Variants in LSAMP observed in about 807,000 individuals in gnomAD.
LSAMP encodes the protein limbic system-associated membrane protein.
A neutral mutation model predicts 38.6 loss-of-function variants in LSAMP; 7 were observed. The observed-to-expected ratio is 0.18, with a 90% confidence interval of 0.10 to 0.34. The LOEUF is 0.34. Among genes scored for constraint, LSAMP ranks in the 10% least tolerant of loss-of-function variants. The probability of loss-of-function intolerance (pLI) is 1.00; values close to 1 mark genes in which losing one functional copy is unlikely to be tolerated. For missense variants in LSAMP, 313 were observed against 420.0 expected, an observed-to-expected ratio of 0.75 and a Z score of 2.23; for synonymous variants, 154 against 166.8, an observed-to-expected ratio of 0.92 and a Z score of 0.59.
At chr3:116,022,288 A>C (rs1940661597) in intron 2 of LSAMP, among the ~76,000 whole-genome samples, 1 of 151,982 alleles carries the variant, frequency 6.6e-6, no homozygotes, top group Non-Finnish European at 1.5e-5. Context: ...GATCCTGAGA[A>C]CATGTGTCCC....
At chr3:116,219,770 A>G (rs1247222156) in intron 1 of LSAMP, among the ~76,000 whole-genome samples, 1 of 152,280 alleles carries the variant, frequency 6.6e-6, no homozygotes, top group African/African-American at 2.4e-5. Context: ...CAAATAACTC[A>G]AAAAAATAAA....
intron 1 of LSAMP, among the ~76,000 whole-genome samples, chr3:116,404,458 A>G (rs13077535): frequency 0.062 from 9,364 of 152,224 alleles, 393 homozygotes; most frequent in Middle Eastern, 0.13. Flanking sequence ...AGTGCCTTAC[A>G]TAGAATATAT....
At chr3:115,847,771 C>T (rs1302225179) in intron 4 of LSAMP, among the ~76,000 whole-genome samples, 2 of 152,138 alleles carry the variant, frequency 1.3e-5, no homozygotes, top group Admixed American at 1.3e-4. Context: ...CTGAGGCCTC[C>T]CCAGCCATGT....
At chr3:116,394,953 T>C (rs929146971) in intron 1 of LSAMP, among the ~76,000 whole-genome samples, 9 of 152,320 alleles carry the variant, frequency 5.9e-5, no homozygotes, top group Non-Finnish European at 8.8e-5. Context: ...CACTTATTTT[T>C]AAATATTATC....
intron 1 of LSAMP, among the ~76,000 whole-genome samples, chr3:116,135,451 C>T (rs1456959770): frequency 6.6e-6 from 1 of 152,134 alleles, no homozygotes; most frequent in Non-Finnish European, 1.5e-5. Flanking sequence ...TTGTCTGGCT[C>T]TGGAGACTGA....
intron 1 of LSAMP, among the ~76,000 whole-genome samples, chr3:116,157,657 A>C (rs570463751): frequency 6.6e-6 from 1 of 152,252 alleles, no homozygotes; most frequent in African/African-American, 2.4e-5. Flanking sequence ...TGAACCCAGA[A>C]AAAATTAAAT....
intron 1 of LSAMP, among the ~76,000 whole-genome samples, chr3:116,089,850 G>A (rs1459827803): frequency 1.3e-5 from 2 of 151,890 alleles, no homozygotes; most frequent in Non-Finnish European, 2.9e-5. Flanking sequence ...ATCTTTCAGG[G>A]TTCCTTTTTA....
At chr3:116,028,327 T>G (rs975185738) in intron 2 of LSAMP, among the ~76,000 whole-genome samples, 2 of 152,148 alleles carry the variant, frequency 1.3e-5, no homozygotes, top group Admixed American at 1.3e-4. Context: ...CCAGGATGGA[T>G]GACAGGACTG....
intron 1 of LSAMP, among the ~76,000 whole-genome samples, chr3:116,255,991 T>C (rs901902414): frequency 1.3e-5 from 2 of 152,192 alleles, no homozygotes; most frequent in African/African-American, 4.8e-5. Context: ...TTCCTTCTTT[T>C]TGGGTTTTCC....
At chr3:116,315,922 A>G (rs1426313412) in intron 1 of LSAMP, among the ~76,000 whole-genome samples, 1 of 152,250 alleles carries the variant, frequency 6.6e-6, no homozygotes, top group Non-Finnish European at 1.5e-5. Context: ...CTACATGTTC[A>G]GAAACGAATG....
At chr3:115,933,184 C>T (rs16824290) in intron 3 of LSAMP, among the ~76,000 whole-genome samples, 4,947 of 152,088 alleles carry the variant, frequency 0.033, 273 homozygotes, top group African/African-American at 0.11. Flanking sequence ...CATTGGGAGC[C>T]CATTGAAGGT....
intron 1 of LSAMP, among the ~76,000 whole-genome samples, chr3:116,190,088 GACAC>G (rs3071108): frequency 2.4e-3 from 349 of 142,588 alleles, no homozygotes; most frequent in African/African-American, 4.7e-3. Context: ...TCCAGTAGTA[GACAC>G]ACACACACAC....
intron 1 of LSAMP, among the ~76,000 whole-genome samples, chr3:116,270,681 G>A (rs761104565): frequency 5.3e-5 from 8 of 152,076 alleles, no homozygotes; most frequent in Non-Finnish European, 1.0e-4. Flanking sequence ...GTTTAATGTT[G>A]GAGGGTTCAG....
rs566938007 is a variant in LSAMP at position 116,288,995 on chromosome 3, T to C, written c.155+155882A>G. ...TTTTAAATTCCATGAGTTTATTAGA[T>C]TGGCTTGTAAGGATTTATGTTACAA... On this transcript the variant is annotated intron_variant, in intron 1 of 6. Transcript: ENST00000490035. Among the ~76,000 whole-genome samples, 2 of 152,350 alleles carry C rather than the reference T, an allele frequency of 1.3e-5. 1 individual carries two copies. Among genetic ancestry groups the C allele is most frequent in the South Asian group, 4.1e-4 (2 of 4,828 alleles).
intron 1 of LSAMP, among the ~76,000 whole-genome samples, chr3:116,320,876 TTTC>T (rs2107729698): frequency 6.6e-6 from 1 of 152,290 alleles, no homozygotes; most frequent in South Asian, 2.1e-4. Context: ...TTCAGAGTAT[TTTC>T]TTCCTCCCTT....
intron 2 of LSAMP, among the ~76,000 whole-genome samples, chr3:116,051,797 T>G (rs1047469608): frequency 6.6e-6 from 1 of 151,934 alleles, no homozygotes; most frequent in Non-Finnish European, 1.5e-5. Context: ...TGGAAGTCAC[T>G]GGCAGGTGCT....
At chr3:116,228,140 G>A (rs1048960887) in intron 1 of LSAMP, among the ~76,000 whole-genome samples, 6 of 151,984 alleles carry the variant, frequency 3.9e-5, no homozygotes, top group Non-Finnish European at 8.8e-5. Flanking sequence ...TCCTTATGTG[G>A]TCCACAATTT....
At chr3:115,925,428 G>T (rs958217608) in intron 3 of LSAMP, among the ~76,000 whole-genome samples, 1 of 152,268 alleles carries the variant, frequency 6.6e-6, no homozygotes, top group East Asian at 1.9e-4. Context: ...TTTTAAGCTT[G>T]ATTTGTAGTT....
chr3:116,433,009 C>A (rs9857124), intron 1 of LSAMP, among the ~76,000 whole-genome samples: 1 of 152,124 alleles, frequency 6.6e-6, no homozygotes, highest in African/African-American at 2.4e-5. Context: ...AAGGTGACAG[C>A]GATCTTTAGT....
Sources: gnomAD v4.1 joint callset for allele counts (sites outside exome capture counted in the v4.1 genomes callset) on GRCh38, gnomAD v4.1.1 for gene constraint, MANE v1.5 for transcripts, NCBI Gene and HGNC (gene_info 2026-07-23, HGNC 2026-07-21) for gene names.